The following RAPGEF6 variants were observed in gnomAD, a reference collection of about 807,000 sequenced individuals.
RAPGEF6 encodes the protein PDZ domain containing guanine nucleotide exchange factor (GEF) 2.
A neutral mutation model predicts 171.4 loss-of-function variants in RAPGEF6; 56 were observed. That is an observed-to-expected ratio of 0.33 (90% CI 0.26 to 0.41). The LOEUF (loss-of-function observed/expected upper bound fraction) is 0.41. RAPGEF6 is among the 10% of genes least tolerant of loss of function. RAPGEF6 has a pLI of 1.00. For missense variants in RAPGEF6, 1,674 were observed against 1,921.4 expected (o/e 0.87, Z 2.41); for synonymous variants, 692 against 650.1 (o/e 1.06, Z -0.98).
At chr5:131,435,746 G>A in intron 24 of RAPGEF6, 1 of 1,037,146 alleles carries the variant, frequency 9.6e-7, no homozygotes, top group Non-Finnish European at 1.3e-6. Flanking sequence ...AGGAAATAAA[G>A]TCAACTACAG....
intron 6 of RAPGEF6, among the ~76,000 whole-genome samples, chr5:131,540,897 C>T (rs1760090381): frequency 6.6e-6 from 1 of 152,192 alleles, no homozygotes; most frequent in South Asian, 2.1e-4. Context: ...GGCGTGGTGG[C>T]TTATGCCTGT....
intron 11 of RAPGEF6, among the ~76,000 whole-genome samples, chr5:131,499,133 G>T (rs1337920001): frequency 3.3e-4 from 50 of 152,328 alleles, no homozygotes; most frequent in Non-Finnish European, 1.3e-4. Context: ...TTTCATTATT[G>T]TTACTTCCCA....
At chr5:131,608,371 CTACTT>C (rs776261759) in intron 1 of RAPGEF6, among the ~76,000 whole-genome samples, 1 of 152,188 alleles carries the variant, frequency 6.6e-6, no homozygotes, top group Non-Finnish European at 1.5e-5. Flanking sequence ...CCAAAAAAGA[CTACTT>C]TACAAATAGG....
In RAPGEF6 at chr5:131,424,603, G is replaced by A. The variant is rs1561452459; in HGVS notation, c.*2663C>T. The A allele has an allele frequency of 6.6e-6, 1 of 152,224 alleles. No homozygotes were observed. Among genetic ancestry groups the A allele is most frequent in the Non-Finnish European group, 1.5e-5 (1 of 68,030 alleles). The allele number at this position is 152,224 out of a possible 1,614,324, so 9.4% of individuals were successfully genotyped here. A position where few individuals can be genotyped will look rare whatever the true frequency, so the allele number is the denominator to read the frequency against. Reference sequence around the variant, plus strand: ...GATTCTCAAGGAGGTGATATAGATCGCAATGATGTGATTTATCACCCTCAA... The same window carrying A: ...GATTCTCAAGGAGGTGATATAGATCACAATGATGTGATTTATCACCCTCAA... On this transcript the variant is annotated 3_prime_UTR_variant, in exon 28 of 28. Coordinates refer to ENST00000509018, the MANE Select transcript of RAPGEF6 (RefSeq NM_016340.6).
At chr5:131,453,324 C>A in intron 20 of RAPGEF6, 147 bp from the exon 21 acceptor site, 1 of 1,346,426 alleles carries the variant, frequency 7.4e-7, no homozygotes, top group Non-Finnish European at 9.8e-7. Context: ...TATACCCATA[C>A]ATGGTTCAAC....
At chr5:131,557,479 T>G (rs752544643) in intron 5 of RAPGEF6, among the ~76,000 whole-genome samples, 1 of 152,166 alleles carries the variant, frequency 6.6e-6, no homozygotes, top group East Asian at 1.9e-4. Flanking sequence ...CTTAGGTAAT[T>G]TGGGGTTTTC....
chr5:131,493,963 G>A (rs1424679314), intron 13 of RAPGEF6, among the ~76,000 whole-genome samples: 1 of 152,130 alleles, frequency 6.6e-6, no homozygotes, highest in Non-Finnish European at 1.5e-5. Flanking sequence ...GAAGTCAATA[G>A]GAACCAAGGG....
chr5:131,533,281 C>G, intron 6 of RAPGEF6, among the ~76,000 whole-genome samples: 1 of 151,352 alleles, frequency 6.6e-6, no homozygotes, highest in East Asian at 1.9e-4. Flanking sequence ...GCTTGAGCAC[C>G]CTTTCTACTT....
chr5:131,428,305 T>C (rs946510079), intron 27 of RAPGEF6, among the ~76,000 whole-genome samples: 1 of 152,112 alleles, frequency 6.6e-6, no homozygotes, highest in Non-Finnish European at 1.5e-5. Context: ...CCCAGCTACT[T>C]GGGAGGCTGA....
At chr5:131,515,690 T>C (rs1214850616) in intron 7 of RAPGEF6, among the ~76,000 whole-genome samples, 2 of 152,088 alleles carry the variant, frequency 1.3e-5, no homozygotes, top group Non-Finnish European at 2.9e-5. Context: ...TTTCTTCTTG[T>C]TGGAAAGACA....
Position 131,498,573 on chromosome 5 carries a change from T to C in RAPGEF6, c.1289A>G (p.Glu430Gly). The C allele has an allele frequency of 6.2e-7, 1 of 1,613,816 alleles. No individual in the cohort carries two copies. The highest frequency in any genetic ancestry group is 8.5e-7 in the Non-Finnish European group (1 of 1,179,890). Residue 430 changes from glutamate to glycine, a missense_variant, in exon 12 of 28, where the codon GAA (glutamate) becomes GGA (glycine). Around this residue, in one of 3 missense-constraint regions of RAPGEF6, gnomAD observed 1,116 missense variants for 1,321.5 expected, o/e 0.84. Transcript: ENST00000509018. ...TPERLIMHLIEEHSIVDPTYI... is the reference protein window; with the variant it reads ...TPERLIMHLIGEHSIVDPTYI... ...AGTTGGATCCACGATGGAATGTTCTTCTATTAAATGCATTATGAGACGCTC... is the reference window on the plus strand; with the variant it reads ...AGTTGGATCCACGATGGAATGTTCTCCTATTAAATGCATTATGAGACGCTC...
chr5:131,551,219 A>C (rs1760902208), intron 5 of RAPGEF6, among the ~76,000 whole-genome samples: 1 of 152,158 alleles, frequency 6.6e-6, no homozygotes, highest in African/African-American at 2.4e-5. Context: ...TGTCTCATAA[A>C]AGTTAATTCA....
chr5:131,444,864 T>C (rs1030220481), intron 22 of RAPGEF6, among the ~76,000 whole-genome samples: 3 of 152,194 alleles, frequency 2.0e-5, no homozygotes, highest in African/African-American at 7.2e-5. Flanking sequence ...CTTTAATAAA[T>C]ATGTACATGG....
chr5:131,576,560 C>T (rs1400758547), intron 4 of RAPGEF6, among the ~76,000 whole-genome samples: 3 of 152,164 alleles, frequency 2.0e-5, no homozygotes, highest in Admixed American at 6.5e-5. Context: ...AGTCATTCAC[C>T]GCAAGGGGCA....
chr5:131,623,272 TAA>T (rs1765699314), intron 1 of RAPGEF6, among the ~76,000 whole-genome samples: 1 of 152,222 alleles, frequency 6.6e-6, no homozygotes, highest in Non-Finnish European at 1.5e-5. Flanking sequence ...AAGATATTAC[TAA>T]GTTTCCTCCA....
At chr5:131,498,628 AGGATT>A (rs772919064) in intron 11 of RAPGEF6, 21 bp from the exon 12 acceptor site, 3 of 1,602,992 alleles carry the variant, frequency 1.9e-6, no homozygotes, top group Middle Eastern at 1.7e-4. Flanking sequence ...AAGGATAGGA[AGGATT>A]AGAAAATAAA....
Position 131,433,849 on chromosome 5 carries a change from T to A in RAPGEF6, c.3746-191A>T, listed in dbSNP as rs552915248. Among the ~76,000 whole-genome samples, 38 of 152,262 alleles carry A rather than the reference T, an allele frequency of 2.5e-4. No individual in the cohort carries two copies. In the South Asian group the frequency reaches 7.5e-3, roughly 30 times the overall value. Reference sequence around the variant, plus strand: ...ACATTCCCCTACATAACCATTTGCCTACTATCCACACCACACCAATACAAC... The same window carrying A: ...ACATTCCCCTACATAACCATTTGCCAACTATCCACACCACACCAATACAAC... On this transcript the variant is annotated intron_variant, in intron 24 of 27. Transcript: ENST00000509018.
intron 24 of RAPGEF6, among the ~76,000 whole-genome samples, chr5:131,438,359 T>A (rs1226164503): frequency 1.3e-5 from 2 of 152,192 alleles, no homozygotes; most frequent in African/African-American, 4.8e-5. Context: ...AGGTCTGACA[T>A]CACTGTACAT....
chr5:131,588,705 C>T (rs974410390), intron 4 of RAPGEF6, among the ~76,000 whole-genome samples: 1 of 151,588 alleles, frequency 6.6e-6, no homozygotes, highest in Non-Finnish European at 1.5e-5. Flanking sequence ...ACTGAGCCAC[C>T]GCACTCCAGC....
Sources: gnomAD v4.1 joint callset for allele counts (sites outside exome capture counted in the v4.1 genomes callset) on GRCh38, gnomAD v4.1.1 for gene constraint, gnomAD v4.1.1 regional missense constraint, MANE v1.5 for transcripts, NCBI Gene and HGNC (gene_info 2026-07-23, HGNC 2026-07-21) for gene names.